Variants in COP1 observed in about 807,000 individuals in gnomAD.
The protein encoded by COP1 is E3 ubiquitin-protein ligase COP1.
In COP1, 24 loss-of-function variants were observed where a neutral mutation model predicts 101.3. The observed-to-expected ratio is 0.24, with a 90% CI of 0.17 to 0.33. The LOEUF is 0.33. COP1 is among the 10% of genes least tolerant of loss of function. The probability of loss-of-function intolerance (pLI) is 1.00; values close to 1 mark genes in which losing one functional copy is unlikely to be tolerated. For synonymous variants in COP1, 347 were observed against 341.9 expected, an observed-to-expected ratio of 1.01 and a Z score of -0.17; for missense variants, 663 against 906.2, an observed-to-expected ratio of 0.73 and a Z score of 3.45.
chr1:176,183,227 C>A (rs1421332590), intron 2 of COP1, among the ~76,000 whole-genome samples: 1 of 152,136 alleles, frequency 6.6e-6, no homozygotes, highest in East Asian at 1.9e-4. Context: ...CCATACTCTT[C>A]ATGATGAAGG....
At chr1:176,070,170 C>A (rs1011329403) in intron 11 of COP1, among the ~76,000 whole-genome samples, 15 of 152,114 alleles carry the variant, frequency 9.9e-5, no homozygotes, top group Non-Finnish European at 1.9e-4. Flanking sequence ...GCTGCTCCAA[C>A]CAAAACCTTA....
chr1:176,175,637 A>G (rs1696826715), intron 3 of COP1, among the ~76,000 whole-genome samples: 1 of 152,178 alleles, frequency 6.6e-6, no homozygotes, highest in Non-Finnish European at 1.5e-5. Flanking sequence ...CCAGTTCCTA[A>G]TAGGCCACAG....
At chr1:176,021,533 T>C (rs1418118040) in intron 15 of COP1, among the ~76,000 whole-genome samples, 2 of 152,184 alleles carry the variant, frequency 1.3e-5, no homozygotes, top group Non-Finnish European at 2.9e-5. Context: ...GAATGACTAA[T>C]AAATACGGGA....
At chr1:176,086,622 A>C (rs1316719175) in intron 9 of COP1, among the ~76,000 whole-genome samples, 1 of 152,140 alleles carries the variant, frequency 6.6e-6, no homozygotes, top group Non-Finnish European at 1.5e-5. Context: ...ACACAAACAA[A>C]TGGAAGAACA....
At chr1:176,203,293 C>G (rs1700474941) in intron 1 of COP1, among the ~76,000 whole-genome samples, 2 of 152,000 alleles carry the variant, frequency 1.3e-5, no homozygotes, top group Admixed American at 1.3e-4. Flanking sequence ...GCCGAGATCG[C>G]ACCACTGCAC....
chr1:176,179,374 C>G (rs1250348884), intron 2 of COP1, among the ~76,000 whole-genome samples: 1 of 151,952 alleles, frequency 6.6e-6, no homozygotes, highest in Non-Finnish European at 1.5e-5. Flanking sequence ...TAGCAAATAA[C>G]TTTTCTTTAA....
At chr1:176,197,614 G>A (rs1347773300) in intron 1 of COP1, among the ~76,000 whole-genome samples, 1 of 152,024 alleles carries the variant, frequency 6.6e-6, no homozygotes, top group Non-Finnish European at 1.5e-5. Context: ...GAAATTCACA[G>A]ACCAGTATCA....
At chr1:176,073,657 T>C (rs1677414895) in intron 11 of COP1, among the ~76,000 whole-genome samples, 2 of 152,334 alleles carry the variant, frequency 1.3e-5, no homozygotes, top group South Asian at 4.1e-4. Context: ...GAGAGTGAAC[T>C]TCACTGTATG....
At chr1:175,961,173 G>A (rs1481196503) in intron 18 of COP1, among the ~76,000 whole-genome samples, 1 of 152,066 alleles carries the variant, frequency 6.6e-6, no homozygotes, top group Non-Finnish European at 1.5e-5. Flanking sequence ...GGCATATCAT[G>A]GTATGTCTCA....
chr1:176,199,860 T>C (rs938025178), intron 1 of COP1, among the ~76,000 whole-genome samples: 8 of 152,218 alleles, frequency 5.3e-5, no homozygotes, highest in Non-Finnish European at 1.2e-4. Flanking sequence ...CACAGGTGTA[T>C]TCATGTGTCA....
At chr1:175,949,404 TATA>T (rs1649601825) in intron 18 of COP1, among the ~76,000 whole-genome samples, 1 of 152,062 alleles carries the variant, frequency 6.6e-6, no homozygotes, top group African/African-American at 2.4e-5. Context: ...CCTTTAGGAA[TATA>T]ATAACTTACC....
At chr1:176,184,476 A>G (rs1698207129) in intron 2 of COP1, among the ~76,000 whole-genome samples, 157 bp downstream of exon 2, 2 of 152,218 alleles carry the variant, frequency 1.3e-5, no homozygotes, top group Admixed American at 1.3e-4. Flanking sequence ...TTATGTTAAC[A>G]GCCTTAAACT....
chr1:175,994,061 C>A (rs184857358), intron 15 of COP1, among the ~76,000 whole-genome samples: 1 of 152,346 alleles, frequency 6.6e-6, no homozygotes, highest in Admixed American at 6.5e-5. Context: ...AGAAACTCTA[C>A]AAGCCAGAAG....
At chr1:175,972,262 C>T (rs1471690779) in intron 18 of COP1, among the ~76,000 whole-genome samples, 4 of 152,098 alleles carry the variant, frequency 2.6e-5, no homozygotes, top group African/African-American at 9.7e-5. Flanking sequence ...AGGTGATCAA[C>T]AGACCATACT....
At chr1:176,082,604 C>T (rs913979890) in intron 10 of COP1, among the ~76,000 whole-genome samples, 14 of 151,922 alleles carry the variant, frequency 9.2e-5, no homozygotes, top group African/African-American at 3.1e-4. Context: ...GTCGGGAGTT[C>T]GAGACCAGCC....
chr1:176,009,265 T>C (rs1351584263), intron 15 of COP1, among the ~76,000 whole-genome samples: 1 of 152,210 alleles, frequency 6.6e-6, no homozygotes, highest in African/African-American at 2.4e-5. Context: ...TATCGACAGG[T>C]ATTTTCCCAT....
chr1:176,001,533 C>T (rs935292960), intron 15 of COP1, among the ~76,000 whole-genome samples: 1 of 152,068 alleles, frequency 6.6e-6, no homozygotes, highest in East Asian at 1.9e-4. Context: ...CGAGATATTT[C>T]GTGGCAAAGT....
chr1:176,099,114 T>C (rs902852109), intron 9 of COP1, among the ~76,000 whole-genome samples: 1 of 148,064 alleles, frequency 6.8e-6, no homozygotes, highest in African/African-American at 2.4e-5. Context: ...ATTGTGCTTC[T>C]AACTGTAACT....
chr1:176,053,645 TATGAC>T (rs1672951553), intron 11 of COP1, among the ~76,000 whole-genome samples: 1 of 152,134 alleles, frequency 6.6e-6, no homozygotes, highest in African/African-American at 2.4e-5. Flanking sequence ...TCCTTCACCT[TATGAC>T]ATAACACTTT....
Sources: allele counts gnomAD v4.1 joint callset (sites outside exome capture counted in the v4.1 genomes callset), GRCh38; gene constraint gnomAD v4.1.1; transcripts MANE v1.5; gene names NCBI Gene and HGNC (gene_info 2026-07-23, HGNC 2026-07-21).